Variants in AGO3 observed in about 807,000 individuals in gnomAD.
AGO3 encodes the protein argonaute RISC catalytic component 3.
AGO3 carries 16 observed loss-of-function variants against 105.5 expected under a neutral mutation model. The ratio of observed to expected loss-of-function variants is 0.15; its 90% CI spans 0.10 to 0.23. The LOEUF (loss-of-function observed/expected upper bound fraction) is 0.23, where lower values mean the gene tolerates loss of function less well. Ranked by LOEUF, AGO3 falls within the 10% of genes least tolerant of loss-of-function variation. The pLI is 1.00. For synonymous variants in AGO3, 340 were observed against 367.3 expected, an observed-to-expected ratio of 0.93 and a Z score of 0.85; for missense variants, 534 against 1,088.0, an observed-to-expected ratio of 0.49 and a Z score of 7.16.
intron 2 of AGO3, among the ~76,000 whole-genome samples, chr1:35,964,774 C>A (rs1020341643): frequency 2.6e-5 from 4 of 152,144 alleles, no homozygotes; most frequent in Admixed American, 6.6e-5. Flanking sequence ...TTCTCCACAA[C>A]CTTGCCAACG....
rs899008293 is a variant in AGO3, at chr1:36,057,843, A to T, written c.*2098A>T. 1 of 152,052 alleles carries T rather than the reference A, an allele frequency of 6.6e-6. No homozygotes were observed. The highest frequency in any genetic ancestry group is 2.4e-5 in the African/African-American group (1 of 41,356). The allele number at this position is 152,052 out of a possible 1,614,324, so 9.4% of individuals were successfully genotyped here. A position where few individuals can be genotyped will look rare whatever the true frequency, so the allele number is the denominator to read the frequency against. ...AATACAAAAATTAGCTGGGCGTGGT[A>T]GTGGGCACCTCTAATCCCAGCTACT... On this transcript the variant is annotated 3_prime_UTR_variant, in exon 19 of 19. Coordinates refer to ENST00000373191, the MANE Select transcript of AGO3 (RefSeq NM_024852.4).
intron 1 of AGO3, among the ~76,000 whole-genome samples, chr1:35,941,376 T>G (rs1258929483): frequency 2.6e-5 from 4 of 152,038 alleles, no homozygotes; most frequent in African/African-American, 9.7e-5. Context: ...TATGTATAAT[T>G]TTTCATACAG....
rs1642890640 is a variant in AGO3 at position 36,055,572 on chromosome 1, T to C, written c.2475-65T>C. 1.4e-6 allele frequency: 2 copies of C among 1,441,408 alleles called. No individual in the cohort carries two copies. Among genetic ancestry groups the C allele is most frequent in the Non-Finnish European group, 9.7e-7 (1 of 1,028,688 alleles). The allele number at this position is 1,441,408 out of a possible 1,614,324, so 89.3% of individuals were successfully genotyped here. ...TTGAAATTTTCTACAACAAATAGTATTTTTCGGAATTATTACATCAGAATA... is the reference window on the plus strand; with the variant it reads ...TTGAAATTTTCTACAACAAATAGTACTTTTCGGAATTATTACATCAGAATA... On this transcript the variant is annotated intron_variant, in intron 18 of 18. Coordinates refer to ENST00000373191, the MANE Select transcript of AGO3 (RefSeq NM_024852.4). This position sits in a 1 kb window ranked among gnomAD's most constrained non-coding sequence, Gnocchi z 4.4.
chr1:35,962,611 G>A (rs1369913273), intron 2 of AGO3, among the ~76,000 whole-genome samples: 2 of 151,602 alleles, frequency 1.3e-5, no homozygotes, highest in Non-Finnish European at 2.9e-5. Context: ...ACAGAACACT[G>A]GGACAGTATA....
intron 11 of AGO3, among the ~76,000 whole-genome samples, chr1:36,023,502 T>C (rs1360606932): frequency 4.6e-5 from 7 of 152,238 alleles, no homozygotes; most frequent in African/African-American, 7.2e-5. Context: ...TGAAGACTTA[T>C]GTACAGAAAA....
At chr1:36,030,596 A>T (rs546402133) in intron 12 of AGO3, among the ~76,000 whole-genome samples, 14 of 152,312 alleles carry the variant, frequency 9.2e-5, no homozygotes, top group African/African-American at 3.4e-4. Flanking sequence ...AAATATTATA[A>T]TACCTAGTGC....
chr1:36,071,709 C>A lies in AGO3; in HGVS notation c.*15964C>A, dbSNP rs1317143121. The A allele has an allele frequency of 3.3e-5, 5 of 152,056 alleles. No homozygotes were observed. Among genetic ancestry groups the A allele is most frequent in the South Asian group, 4.1e-4 (2 of 4,824 alleles). The allele number at this position is 152,056 out of a possible 1,614,324, so 9.4% of individuals were successfully genotyped here. On this transcript the variant is annotated 3_prime_UTR_variant, in exon 19 of 19. Transcript: ENST00000373191. ...GAATTTCAAGTGTATATCTATAAAT[C>A]TTTTTTTAAAATCTTCGGCTACACA...
rs1046602453 is a variant in AGO3 at position 36,008,647 on chromosome 1, C to T, written c.794-43C>T. On this transcript the variant is annotated intron_variant, in intron 6 of 18. Coordinates refer to ENST00000373191, the MANE Select transcript of AGO3 (RefSeq NM_024852.4). The surrounding 1 kb of genome is among the most constrained non-coding windows in gnomAD (Gnocchi z 5.1). Reference sequence around the variant, plus strand: ...AGGCTTTATAAGTATAAATATTTTACATGTGACAGTTCTGTAACCTCCATT... The same window carrying T: ...AGGCTTTATAAGTATAAATATTTTATATGTGACAGTTCTGTAACCTCCATT... 1.3e-6 allele frequency: 2 copies of T among 1,567,810 alleles called. No individual in the cohort carries two copies. The highest frequency in any genetic ancestry group is 2.7e-5 in the African/African-American group (2 of 73,736).
chr1:36,029,247 C>T (rs1033576589), intron 12 of AGO3, among the ~76,000 whole-genome samples: 11 of 151,684 alleles, frequency 7.3e-5, no homozygotes, highest in African/African-American at 1.9e-4. Context: ...ATCATTGAAT[C>T]GTAGAAAAAT....
intron 2 of AGO3, among the ~76,000 whole-genome samples, chr1:35,962,963 C>T (rs1036649268): frequency 2.6e-5 from 4 of 152,004 alleles, no homozygotes; most frequent in Non-Finnish European, 5.9e-5. Flanking sequence ...TAGTTTATAC[C>T]GATTAGGCTA....
chr1:36,021,287 A>G (rs1356793916), intron 11 of AGO3, among the ~76,000 whole-genome samples: 1 of 152,194 alleles, frequency 6.6e-6, no homozygotes, highest in Non-Finnish European at 1.5e-5. Flanking sequence ...CTAATATTAG[A>G]AACTGCTTTA....
intron 5 of AGO3, among the ~76,000 whole-genome samples, chr1:35,977,364 T>C (rs1282174369): frequency 6.6e-6 from 1 of 151,310 alleles, no homozygotes; most frequent in Non-Finnish European, 1.5e-5. Context: ...TACAGAGTTT[T>C]ACAAAGTAGT....
intron 12 of AGO3, among the ~76,000 whole-genome samples, chr1:36,033,873 G>T (rs1460362386): frequency 6.6e-6 from 1 of 152,076 alleles, no homozygotes. Flanking sequence ...GATAACAAGG[G>T]ATTATGTGCA....
chr1:35,932,852 T>C (rs1646078752), intron 1 of AGO3, among the ~76,000 whole-genome samples: 1 of 152,190 alleles, frequency 6.6e-6, no homozygotes, highest in Non-Finnish European at 1.5e-5. Flanking sequence ...GGAAAACAAG[T>C]CATGAAGGTC....
chr1:35,961,818 A>G (rs1442516610), intron 2 of AGO3, among the ~76,000 whole-genome samples: 1 of 152,072 alleles, frequency 6.6e-6, no homozygotes, highest in Non-Finnish European at 1.5e-5. Flanking sequence ...TCAGTTTTTT[A>G]CTTTTGAGGA....
intron 17 of AGO3, among the ~76,000 whole-genome samples, chr1:36,047,513 A>G (rs1642525824): frequency 6.6e-6 from 1 of 152,162 alleles, no homozygotes; most frequent in South Asian, 2.1e-4. Context: ...AAACACCAGT[A>G]AGCAAATAAA....
At chr1:36,034,449 A>G (rs1215725071) in intron 13 of AGO3, 116 bp downstream of exon 13, 7 of 661,908 alleles carry the variant, frequency 1.1e-5, no homozygotes, top group East Asian at 3.5e-5. Context: ...AATTCCTACT[A>G]TGGGAGATTC....
At chr1:35,987,114 G>T (rs551591557) in intron 5 of AGO3, among the ~76,000 whole-genome samples, 1 of 152,110 alleles carries the variant, frequency 6.6e-6, no homozygotes, top group Admixed American at 6.5e-5. Context: ...GATCACTTGA[G>T]GTCAGGAGTT....
chr1:35,981,404 G>A (rs1048667975), intron 5 of AGO3, among the ~76,000 whole-genome samples: 1 of 152,044 alleles, frequency 6.6e-6, no homozygotes, highest in Non-Finnish European at 1.5e-5. Flanking sequence ...CATTGTTCTG[G>A]TGGACTCTTT....
Sources: allele counts gnomAD v4.1 joint callset (sites outside exome capture counted in the v4.1 genomes callset), GRCh38; gene constraint gnomAD v4.1.1; non-coding constraint Gnocchi (gnomAD v3.1); transcripts MANE v1.5; gene names NCBI Gene and HGNC (gene_info 2026-07-23, HGNC 2026-07-21).